AGBL4: variants seen among roughly 807,000 people sequenced by gnomAD.
AGBL4 encodes cytosolic carboxypeptidase 6.
A neutral mutation model predicts 66.4 loss-of-function variants in AGBL4; 58 were observed. The observed-to-expected ratio is 0.87, with a 90% confidence interval of 0.71 to 1.09. The LOEUF is 1.09. Among genes scored for constraint, AGBL4 ranks in the 50% least tolerant of loss-of-function variants. The pLI, the probability that AGBL4 is intolerant of heterozygous loss-of-function variation, is 0.00. For synonymous variants in AGBL4, 234 were observed against 222.9 expected (o/e 1.05, Z -0.44); for missense variants, 579 against 631.0 (o/e 0.92, Z 0.88).
At chr1:50,022,945 T>C (rs1662560031) in intron 1 of AGBL4, among the ~76,000 whole-genome samples, 2 of 152,168 alleles carry the variant, frequency 1.3e-5, no homozygotes, top group Non-Finnish European at 2.9e-5. Flanking sequence ...ATCCCAGCCA[T>C]ATGCACAAGG....
chr1:49,268,844 C>G (rs1017240891), intron 3 of AGBL4, among the ~76,000 whole-genome samples: 2 of 152,132 alleles, frequency 1.3e-5, no homozygotes, highest in African/African-American at 2.4e-5. Flanking sequence ...ATCATATGTG[C>G]TAGACTGAAA....
intron 6 of AGBL4, among the ~76,000 whole-genome samples, chr1:48,735,866 T>C (rs1232183512): frequency 6.6e-6 from 1 of 152,118 alleles, no homozygotes; most frequent in Non-Finnish European, 1.5e-5. Context: ...TACCTCACCA[T>C]ACACATCTGT....
chr1:48,752,290 A>G (rs1651864269), intron 6 of AGBL4, among the ~76,000 whole-genome samples: 1 of 152,198 alleles, frequency 6.6e-6, no homozygotes, highest in African/African-American at 2.4e-5. Flanking sequence ...AACAGGCCCC[A>G]AGAAGAGAGT....
intron 3 of AGBL4, among the ~76,000 whole-genome samples, chr1:49,372,661 TTCTTTCTTTCTTTCTTTC>T (rs1328661131): frequency 7.8e-4 from 102 of 131,582 alleles, no homozygotes; most frequent in Admixed American, 1.5e-3. Flanking sequence ...CTTTCTTTCT[TTCTTTCTTTCTTTCTTTC>T]TCTTTCTTTC....
chr1:49,740,140 G>T (rs1650306309), intron 2 of AGBL4, among the ~76,000 whole-genome samples: 1 of 152,180 alleles, frequency 6.6e-6, no homozygotes, highest in African/African-American at 2.4e-5. Context: ...TCAGTGTGCT[G>T]TATTCAGGAA....
intron 1 of AGBL4, among the ~76,000 whole-genome samples, chr1:49,975,244 C>T (rs894750306): frequency 6.6e-6 from 1 of 152,092 alleles, no homozygotes; most frequent in Non-Finnish European, 1.5e-5. Flanking sequence ...TGCAACTCTG[C>T]CCTTAAATAC....
intron 3 of AGBL4, among the ~76,000 whole-genome samples, chr1:49,417,832 CAGT>C (rs1645460764): frequency 6.6e-6 from 1 of 152,056 alleles, no homozygotes; most frequent in Non-Finnish European, 1.5e-5. Context: ...TCAGAACAGT[CAGT>C]AGTTTAAAGC....
intron 1 of AGBL4, among the ~76,000 whole-genome samples, chr1:49,876,962 C>G (rs1345377358): frequency 1.3e-5 from 2 of 151,510 alleles, no homozygotes; most frequent in Admixed American, 6.6e-5. Flanking sequence ...CTCTGTTTGT[C>G]TGTTGTTGGT....
At chr1:49,025,769 A>G (rs1039723282) in intron 5 of AGBL4, 3 of 152,154 alleles carry the variant, frequency 2.0e-5, no homozygotes, top group African/African-American at 7.2e-5. Context: ...AGAAAATTGC[A>G]TTCATAGTAT....
intron 9 of AGBL4, among the ~76,000 whole-genome samples, chr1:48,598,114 T>C (rs929523508): frequency 3.9e-5 from 6 of 152,102 alleles, no homozygotes; most frequent in African/African-American, 1.4e-4. Flanking sequence ...GTTTGCAGGG[T>C]CCAGATCACA....
At chr1:49,691,170 G>A (rs768704444) in intron 3 of AGBL4, 4 of 152,186 alleles carry the variant, frequency 2.6e-5, no homozygotes, top group Non-Finnish European at 5.9e-5. Context: ...AATCTGTTGT[G>A]GTGGTAGTTT....
chr1:48,702,973 T>A (rs1008198346), intron 6 of AGBL4, among the ~76,000 whole-genome samples: 2 of 152,184 alleles, frequency 1.3e-5, no homozygotes, highest in Admixed American at 6.5e-5. Context: ...AGTGCTTTAC[T>A]TTTAAGCTTC....
chr1:49,061,584 C>G (rs1644403546), intron 4 of AGBL4, among the ~76,000 whole-genome samples: 1 of 152,134 alleles, frequency 6.6e-6, no homozygotes, highest in African/African-American at 2.4e-5. Flanking sequence ...AGAAGAATTA[C>G]TGTGGTAGTG....
At chr1:49,714,960 A>C (rs1013873064) in intron 2 of AGBL4, among the ~76,000 whole-genome samples, 1 of 151,600 alleles carries the variant, frequency 6.6e-6, no homozygotes, top group Non-Finnish European at 1.5e-5. Context: ...CTTTTTATTT[A>C]ATTTTTAAAA....
At chr1:48,804,364 A>C (rs1645875617) in intron 6 of AGBL4, among the ~76,000 whole-genome samples, 1 of 152,218 alleles carries the variant, frequency 6.6e-6, no homozygotes, top group African/African-American at 2.4e-5. Context: ...AGGTCCCTGC[A>C]TACCTCCCAA....
chr1:48,924,447 A>G (rs1220399306), intron 5 of AGBL4, among the ~76,000 whole-genome samples: 1 of 152,160 alleles, frequency 6.6e-6, no homozygotes, highest in East Asian at 1.9e-4. Context: ...ACTTTAAAAT[A>G]AACCATGTCT....
At chr1:48,660,988 T>C (rs1270315501) in intron 7 of AGBL4, among the ~76,000 whole-genome samples, 1 of 152,204 alleles carries the variant, frequency 6.6e-6, no homozygotes, top group African/African-American at 2.4e-5. Flanking sequence ...GAGGCTCCTC[T>C]TTCTGAGTTC....
chr1:49,282,070 C>CAGGTAGATAG (rs1483832267), intron 3 of AGBL4, among the ~76,000 whole-genome samples: 1 of 152,138 alleles, frequency 6.6e-6, no homozygotes, highest in East Asian at 1.9e-4. Flanking sequence ...TGACTATCTC[C>CAGGTAGATAG]AGGTAGATAG....
intron 11 of AGBL4, among the ~76,000 whole-genome samples, chr1:48,542,073 T>C (rs895650005): frequency 6.6e-6 from 1 of 152,168 alleles, no homozygotes; most frequent in African/African-American, 2.4e-5. Flanking sequence ...CTTCCACTTA[T>C]GAGTGAGAAC....
Sources: gnomAD v4.1 joint callset for allele counts (sites outside exome capture counted in the v4.1 genomes callset) on GRCh38, gnomAD v4.1.1 for gene constraint, MANE v1.5 for transcripts, NCBI Gene and HGNC (gene_info 2026-07-23, HGNC 2026-07-21) for gene names.